Variants in MYO5B observed in about 807,000 individuals in gnomAD.
MYO5B encodes myosin VB, also known as unconventional myosin-Vb.
In MYO5B, 143 loss-of-function variants were observed where a neutral mutation model predicts 229.3. The ratio of observed to expected loss-of-function variants is 0.62; its 90% CI spans 0.54 to 0.72. The LOEUF is 0.72. Ranked by LOEUF, MYO5B falls within the 30% of genes least tolerant of loss-of-function variation. The pLI, the probability that MYO5B is intolerant of heterozygous loss-of-function variation, is 0.00. For missense variants in MYO5B, 2,321 were observed against 2,331.0 expected, an observed-to-expected ratio of 1.00 and a Z score of 0.09; for synonymous variants, 918 against 885.2, an observed-to-expected ratio of 1.04 and a Z score of -0.66.
intron 1 of MYO5B, among the ~76,000 whole-genome samples, chr18:50,056,097 T>A (rs1190557974): frequency 6.6e-6 from 1 of 152,118 alleles, no homozygotes; most frequent in Non-Finnish European, 1.5e-5. Context: ...CTTTAAGCCA[T>A]AAACCCAAAA....
intron 1 of MYO5B, among the ~76,000 whole-genome samples, chr18:50,092,999 C>T (rs2031479198): frequency 6.6e-6 from 1 of 152,110 alleles, no homozygotes; most frequent in Non-Finnish European, 1.5e-5. Context: ...AACAAACATG[C>T]AGAGAAACTT....
chr18:49,987,426 C>T (rs541423530), intron 7 of MYO5B, among the ~76,000 whole-genome samples: 2 of 152,266 alleles, frequency 1.3e-5, no homozygotes, highest in East Asian at 3.9e-4. Context: ...TCCTTTCAGG[C>T]CCATAAAGCT....
intron 1 of MYO5B, among the ~76,000 whole-genome samples, chr18:50,182,576 C>T (rs755913887): frequency 1.3e-5 from 2 of 152,212 alleles, no homozygotes; most frequent in African/African-American, 2.4e-5. Flanking sequence ...ATGAATGTTA[C>T]TTTGCTGATA....
chr18:49,859,835 TTC>T lies in MYO5B; in HGVS notation c.3945-2947_3945-2946del, dbSNP rs374989036. Among the ~76,000 whole-genome samples the T allele has an allele frequency of 2.0e-4, 31 of 152,320 alleles. No individual in the cohort carries two copies. The South Asian group carries it at 2.7e-3, about 13-fold the overall frequency. ...TGGGCAGAAGCTAGCTCTTCCCGCC[TTC>T]TTTGCCATTCTGAGCAAGGCAGCCC... On this transcript the variant is annotated intron_variant, in intron 29 of 39. Coordinates refer to ENST00000285039, the MANE Select transcript of MYO5B (RefSeq NM_001080467.3).
intron 39 of MYO5B, among the ~76,000 whole-genome samples, chr18:49,834,299 C>T (rs889941760): frequency 2.6e-5 from 4 of 152,184 alleles, no homozygotes; most frequent in Non-Finnish European, 4.4e-5. Context: ...ATGACTTCCC[C>T]CTGAACCCCT....
chr18:49,834,939 A>G (rs965451152), intron 39 of MYO5B, among the ~76,000 whole-genome samples: 5 of 152,208 alleles, frequency 3.3e-5, no homozygotes, highest in Admixed American at 6.5e-5. Context: ...CACCTGGCCT[A>G]TATTATAAGT....
At chr18:49,888,883 T>C (rs959810088) in intron 22 of MYO5B, among the ~76,000 whole-genome samples, 2 of 152,222 alleles carry the variant, frequency 1.3e-5, no homozygotes, top group African/African-American at 4.8e-5. Context: ...CCCCCACGCT[T>C]GGTGTCCTGC....
chr18:50,055,357 C>G lies in MYO5B; in HGVS notation c.49G>C (p.Asp17His). The G allele has an allele frequency of 1.2e-6, 2 of 1,613,682 alleles. No homozygotes were observed. The highest frequency in any genetic ancestry group is 8.5e-7 in the Non-Finnish European group (1 of 1,179,928). ...YSQCTRVWIP[D>H]PDEVWRSAEL... is the part of the protein sequence containing the mutation. ...GCTGAGCGCCATACCTCATCAGGGTCAGGGATCCAGACCCTTGTGCACTGA... is the reference window on the plus strand; with the variant it reads ...GCTGAGCGCCATACCTCATCAGGGTGAGGGATCCAGACCCTTGTGCACTGA... Residue 17 changes from aspartate (D) to histidine (H), a missense_variant, in exon 2 of 40, where the codon GAC becomes CAC. Asp to His is a moderately conservative substitution (Grantham distance 81). Transcript: ENST00000285039.
intron 1 of MYO5B, among the ~76,000 whole-genome samples, chr18:50,181,719 TC>T (rs1807239674): frequency 6.6e-6 from 1 of 152,176 alleles, no homozygotes; most frequent in Non-Finnish European, 1.5e-5. Flanking sequence ...TAAAAATCCA[TC>T]ACATTTTATG....
chr18:49,897,402 T>C (rs974054249), intron 21 of MYO5B, among the ~76,000 whole-genome samples: 1 of 152,184 alleles, frequency 6.6e-6, no homozygotes, highest in Non-Finnish European at 1.5e-5. Flanking sequence ...AATGAATGTA[T>C]CCGTGTCTTA....
intron 1 of MYO5B, among the ~76,000 whole-genome samples, chr18:50,172,827 A>G (rs1035119896): frequency 4.6e-5 from 7 of 152,202 alleles, no homozygotes; most frequent in Admixed American, 4.6e-4. Context: ...GTGGTGGAGA[A>G]GCCCTCCCAG....
At chr18:50,025,849 G>C (rs2026325164) in intron 4 of MYO5B, among the ~76,000 whole-genome samples, 1 of 152,070 alleles carries the variant, frequency 6.6e-6, no homozygotes, top group African/African-American at 2.4e-5. Context: ...TGTGGCTTTA[G>C]ACACTTCCCT....
At chr18:50,043,536 A>G (rs1340654044) in intron 2 of MYO5B, among the ~76,000 whole-genome samples, 5 of 124,778 alleles carry the variant, frequency 4.0e-5, no homozygotes, top group Non-Finnish European at 7.9e-5. Context: ...AATATATTTT[A>G]TATATAAATA....
intron 10 of MYO5B, among the ~76,000 whole-genome samples, chr18:49,971,289 A>G (rs548110154): frequency 1.5e-4 from 23 of 152,332 alleles, no homozygotes; most frequent in African/African-American, 5.3e-4. Context: ...TGTGATGCCC[A>G]CTTCCAGGTA....
At chr18:50,077,785 G>T (rs1429760018) in intron 1 of MYO5B, among the ~76,000 whole-genome samples, 1 of 152,104 alleles carries the variant, frequency 6.6e-6, no homozygotes, top group Non-Finnish European at 1.5e-5. Context: ...AGTCAGGAGG[G>T]CTCTCTGCTG....
chr18:49,865,460 G>T (rs559910966), intron 27 of MYO5B, among the ~76,000 whole-genome samples: 1 of 152,316 alleles, frequency 6.6e-6, no homozygotes, highest in East Asian at 1.9e-4. Flanking sequence ...CCTATGGTGA[G>T]TCTATTTACT....
At chr18:50,043,328 ATTTTATATATTTATATT>A (rs2030088308) in intron 2 of MYO5B, among the ~76,000 whole-genome samples, 2 of 94,620 alleles carry the variant, frequency 2.1e-5, no homozygotes, top group African/African-American at 8.5e-5. Flanking sequence ...TAAAATATAT[ATTTTATATATTTATATT>A]ATATATAATA....
intron 10 of MYO5B, among the ~76,000 whole-genome samples, chr18:49,971,426 G>A (rs1003508073): frequency 6.6e-5 from 10 of 152,168 alleles, no homozygotes. Flanking sequence ...GACAGTAAAC[G>A]GCTCACACAT....
At position 49,877,759 on chromosome 18, in the gene MYO5B, T is replaced by TCACCTC. The variant is rs773489652; in HGVS notation, c.3394_3396+3dup. 1 of 1,613,964 alleles carries TCACCTC rather than the reference T, an allele frequency of 6.2e-7. No individual in the cohort carries two copies. Among genetic ancestry groups the TCACCTC allele is most frequent in the South Asian group, 1.1e-5 (1 of 91,078 alleles). On this transcript the variant is annotated splice_donor_region_variant and intron_variant, in intron 25 of 39. Transcript: ENST00000285039. ...GACAGTACCCAAGAGCCTGCATCACTCACCTCCACCTGCTGGAGGGCATCC... is the reference window on the plus strand; with the variant it reads ...GACAGTACCCAAGAGCCTGCATCACTCACCTCCACCTCCACCTGCTGGAGGGCATCC...
Sources: allele counts gnomAD v4.1 joint callset (sites outside exome capture counted in the v4.1 genomes callset), GRCh38; gene constraint gnomAD v4.1.1; transcripts MANE v1.5; gene names NCBI Gene and HGNC (gene_info 2026-07-23, HGNC 2026-07-21).